PFKFB3: variants seen among roughly 807,000 people sequenced by gnomAD.
PFKFB3 encodes 6-phosphofructo-2-kinase/fructose-2,6-bisphosphatase 3.
Under a neutral mutation model 68.0 loss-of-function variants are expected in PFKFB3, and 33 were observed. That is an observed-to-expected ratio of 0.49 (90% confidence interval 0.37 to 0.65). PFKFB3 has a LOEUF of 0.65. Ranked by LOEUF, PFKFB3 falls within the 30% of genes least tolerant of loss-of-function variation. The pLI is 0.00. For synonymous variants in PFKFB3, 315 were observed against 288.2 expected, an observed-to-expected ratio of 1.09 and a Z score of -0.94; for missense variants, 586 against 712.2, an observed-to-expected ratio of 0.82 and a Z score of 2.02.
chr10:6,312,819 C>T, the PFKFB3 span, among the ~76,000 whole-genome samples: 1,882 of 152,272 alleles, frequency 0.012, 51 homozygotes, highest in African/African-American at 0.042. Context: ...AAGAGCAAGC[C>T]GTTAATAGTT....
chr10:6,254,835 T>TTTTTAAA (rs1846469044), downstream of PFKFB3, among the ~76,000 whole-genome samples: 1 of 129,598 alleles, frequency 7.7e-6, no homozygotes, highest in Non-Finnish European at 1.6e-5. Context: ...TTTTTTTTTT[T>TTTTTAAA]GAGAAAGAAT....
chr10:6,244,493 G>A (rs546545762), intron 14 of PFKFB3, among the ~76,000 whole-genome samples: 4 of 152,246 alleles, frequency 2.6e-5, no homozygotes, highest in African/African-American at 4.8e-5. Context: ...GAATTTGGGC[G>A]CAGCATCCAG....
At chr10:6,273,176 T>G in the PFKFB3 span, among the ~76,000 whole-genome samples, 1 of 151,926 alleles carries the variant, frequency 6.6e-6, no homozygotes, top group Non-Finnish European at 1.5e-5. Flanking sequence ...GCGGCTAATT[T>G]TTTTGTATTT....
chr10:6,220,769 G>C lies in PFKFB3; in HGVS notation c.735G>C (p.Gln245His). Residue 245 changes from glutamine to histidine, a missense_variant, in exon 8 of 15, where the codon CAG (glutamine) becomes CAC (histidine). Coordinates refer to ENST00000379775, the MANE Select transcript of PFKFB3 (RefSeq NM_004566.4). The surrounding 1 kb of genome is among the most constrained non-coding windows in gnomAD (Gnocchi z 4.1). ...ACTACCTGATGAACATCCACGTGCAGCCGCGTACCATCTACCTGTGCCGGC... is the reference window on the plus strand; with the variant it reads ...ACTACCTGATGAACATCCACGTGCACCCGCGTACCATCTACCTGTGCCGGC... ...IVYYLMNIHVQPRTIYLCRHG... is the reference protein window; with the variant it reads ...IVYYLMNIHVHPRTIYLCRHG... 2.5e-6 allele frequency: 4 copies of C among 1,614,104 alleles called. No homozygotes were observed. Among genetic ancestry groups the C allele is most frequent in the Non-Finnish European group, 3.4e-6 (4 of 1,180,016 alleles).
chr10:6,159,754 A>G (rs1841918375), intron 1 of PFKFB3, among the ~76,000 whole-genome samples: 3 of 151,580 alleles, frequency 2.0e-5, no homozygotes, highest in Admixed American at 1.3e-4. Context: ...AAATCATTAC[A>G]TATGGTAAGG....
At chr10:6,294,182 G>T in the PFKFB3 span, 1 of 518,748 alleles carries the variant, frequency 1.9e-6, no homozygotes, top group South Asian at 1.4e-5. Context: ...GATATAGTTT[G>T]GAATAGAGGT....
chr10:6,174,878 C>G (rs1192042212), intron 1 of PFKFB3, among the ~76,000 whole-genome samples: 1 of 151,308 alleles, frequency 6.6e-6, no homozygotes, highest in Non-Finnish European at 1.5e-5. Context: ...TACAGTGGCA[C>G]GATCTCGGCT....
intron 1 of PFKFB3, among the ~76,000 whole-genome samples, chr10:6,167,157 C>T (rs1297187911): frequency 6.6e-6 from 1 of 152,220 alleles, no homozygotes; most frequent in Admixed American, 6.5e-5. Flanking sequence ...ACACTCCTCC[C>T]CTCCACCCCA....
chr10:6,237,270 A>G (rs1486124912), downstream of PFKFB3, among the ~76,000 whole-genome samples: 1 of 152,256 alleles, frequency 6.6e-6, no homozygotes, highest in Non-Finnish European at 1.5e-5. Context: ...TGGGCCTAAG[A>G]TCCCGGAGAG....
chr10:6,167,982 GCTT>G (rs1842192150), intron 1 of PFKFB3, among the ~76,000 whole-genome samples: 1 of 152,164 alleles, frequency 6.6e-6, no homozygotes. Context: ...CACATCCTCA[GCTT>G]CTTCATCTGC....
Position 6,228,252 on chromosome 10 carries a change from A to C in PFKFB3, c.1515+1887A>C, listed in dbSNP as rs1237202610. The C allele has an allele frequency of 6.2e-7, 1 of 1,611,756 alleles. No homozygotes were observed. Among genetic ancestry groups the C allele is most frequent in the Non-Finnish European group, 8.5e-7 (1 of 1,179,166 alleles). On this transcript the variant is annotated intron_variant, in intron 14 of 14. Transcript: ENST00000379775. The surrounding 1 kb of genome is among the most constrained non-coding windows in gnomAD (Gnocchi z 4.5). ...CTCTCCGATCATCGCTGCTGCTTGC[A>C]CTGCTTTCTTCCTGCTTGCTCATTT...
chr10:6,259,183 C>A (rs2132088255), downstream of PFKFB3, among the ~76,000 whole-genome samples: 1 of 121,862 alleles, frequency 8.2e-6, no homozygotes, highest in African/African-American at 2.9e-5. Context: ...TCCCATCCAT[C>A]TATCCATCCA....
intron 1 of PFKFB3, among the ~76,000 whole-genome samples, chr10:6,150,894 GAGGCTGAGGC>G: frequency 6.6e-6 from 1 of 152,170 alleles, no homozygotes; most frequent in East Asian, 1.9e-4. Context: ...AGCTATTCCG[GAGGCTGAGGC>G]AGGAGAACCG....
upstream of PFKFB3, among the ~76,000 whole-genome samples, chr10:6,200,668 G>A (rs1269560973): frequency 1.5e-5 from 2 of 135,556 alleles, no homozygotes; most frequent in Non-Finnish European, 3.3e-5. Context: ...GCGGGGGGGG[G>A]GGGGGGGCGG....
the PFKFB3 span, among the ~76,000 whole-genome samples, chr10:6,306,832 G>A: frequency 1.3e-4 from 20 of 152,238 alleles, no homozygotes; most frequent in African/African-American, 3.6e-4. Context: ...ACCAAGTTAC[G>A]GGGTCATAAG....
the PFKFB3 span, among the ~76,000 whole-genome samples, chr10:6,283,994 A>T: frequency 1.3e-5 from 2 of 152,314 alleles, no homozygotes; most frequent in East Asian, 3.9e-4. Context: ...GAGACAGAGC[A>T]GAGAGCTTCC....
intron 1 of PFKFB3, among the ~76,000 whole-genome samples, chr10:6,212,572 C>G (rs548201738): frequency 6.6e-6 from 1 of 152,132 alleles, no homozygotes; most frequent in African/African-American, 2.4e-5. Flanking sequence ...GTGAGAGGCT[C>G]GGGTGGAGGA....
At chr10:6,319,250 G>T in the PFKFB3 span, among the ~76,000 whole-genome samples, 3 of 152,150 alleles carry the variant, frequency 2.0e-5, no homozygotes, top group Non-Finnish European at 1.5e-5. Context: ...GCAAAGATAA[G>T]AAATTAAACT....
chr10:6,224,593 G>A lies in PFKFB3; in HGVS notation c.1341+380G>A, dbSNP rs34235557. Reference sequence around the variant, plus strand: ...CCTCCTGGGTTCAAGTGATCCTCCCGCCTCAGCCTCCCGCGTAGCTGAGAC... The same window carrying A: ...CCTCCTGGGTTCAAGTGATCCTCCCACCTCAGCCTCCCGCGTAGCTGAGAC... On this transcript the variant is annotated intron_variant, in intron 13 of 14. Coordinates refer to ENST00000379775, the MANE Select transcript of PFKFB3 (RefSeq NM_004566.4). 2,886 of 417,280 alleles carry A rather than the reference G, an allele frequency of 6.9e-3. 83 individuals carry two copies. Among genetic ancestry groups the A allele is most frequent in the East Asian group, 0.045 (647 of 14,506 alleles). 25.8% of individuals were successfully genotyped at this position (417,280 alleles called of 1,614,324 possible). A position where few individuals can be genotyped will look rare whatever the true frequency, so the allele number is the denominator to read the frequency against.
Sources: allele counts gnomAD v4.1 joint callset (sites outside exome capture counted in the v4.1 genomes callset), GRCh38; gene constraint gnomAD v4.1.1; non-coding constraint Gnocchi (gnomAD v3.1); transcripts MANE v1.5; gene names NCBI Gene and HGNC (gene_info 2026-07-23, HGNC 2026-07-21).